The following ACACA variants were observed in gnomAD, a reference collection of about 807,000 sequenced individuals.
ACACA encodes the protein acetyl-CoA carboxylase 1.
A neutral mutation model predicts 296.1 loss-of-function variants in ACACA; 103 were observed. The ratio of observed to expected loss-of-function variants is 0.35; its 90% CI spans 0.30 to 0.41. ACACA has a LOEUF of 0.41. Ranked by LOEUF, ACACA falls within the 10% of genes least tolerant of loss-of-function variation. The pLI, the probability that ACACA is intolerant of heterozygous loss-of-function variation, is 1.00. For missense variants in ACACA, 1,554 were observed against 2,989.7 expected (o/e 0.52, Z 11.20); for synonymous variants, 953 against 1,038.6 (o/e 0.92, Z 1.58).
At chr17:37,223,168 T>C (rs117200438) in intron 28 of ACACA, among the ~76,000 whole-genome samples, 127 of 152,332 alleles carry the variant, frequency 8.3e-4, no homozygotes, top group Non-Finnish European at 1.4e-3. Flanking sequence ...AATGGTAAGA[T>C]GACACATGCT....
chr17:37,117,680 G>A (rs895244277), intron 50 of ACACA, among the ~76,000 whole-genome samples: 1 of 151,816 alleles, frequency 6.6e-6, no homozygotes, highest in Admixed American at 6.6e-5. Flanking sequence ...ATAGCCTTCC[G>A]GCCAGATAGA....
intron 3 of ACACA, among the ~76,000 whole-genome samples, chr17:37,295,313 A>T (rs1164252318): frequency 6.6e-6 from 1 of 152,168 alleles, no homozygotes; most frequent in African/African-American, 2.4e-5. Context: ...CCCTGTATGG[A>T]GCAGGAAAAA....
At chr17:37,238,959 TA>T (rs1567863659) in intron 24 of ACACA, among the ~76,000 whole-genome samples, 2 of 152,240 alleles carry the variant, frequency 1.3e-5, no homozygotes, top group East Asian at 3.9e-4. Flanking sequence ...CTTGAGTAGG[TA>T]GGACTATAGG....
At chr17:37,130,625 T>C (rs1309530824) in intron 45 of ACACA, among the ~76,000 whole-genome samples, 1 of 151,576 alleles carries the variant, frequency 6.6e-6, no homozygotes, top group Non-Finnish European at 1.5e-5. Context: ...AACAATCACA[T>C]TCATGGTTGC....
chr17:37,191,401 C>A (rs2077744531), intron 37 of ACACA, 126 bp from the exon 38 acceptor site: 2 of 1,003,096 alleles, frequency 2.0e-6, no homozygotes, highest in Non-Finnish European at 3.0e-6. Context: ...GATTGTTTAT[C>A]TTTCTCCCTA....
chr17:37,378,987 T>A, intron 1 of ACACA: 1 of 941,496 alleles, frequency 1.1e-6, no homozygotes, highest in East Asian at 2.7e-5. Context: ...GAGGATTGCT[T>A]GGAGATCGAG....
At chr17:37,193,264 A>G in intron 36 of ACACA, 110 bp downstream of exon 36, 1 of 819,434 alleles carries the variant, frequency 1.2e-6, no homozygotes, top group Non-Finnish European at 2.0e-6. Flanking sequence ...GCACAAGTTC[A>G]ATAAGAGAAA....
At chr17:37,110,015 A>G (rs943671175) in intron 52 of ACACA, among the ~76,000 whole-genome samples, 1 of 152,182 alleles carries the variant, frequency 6.6e-6, no homozygotes, top group Non-Finnish European at 1.5e-5. Flanking sequence ...AAGGGCAGTG[A>G]TCCAGAAGAA....
At chr17:37,277,008 C>G in intron 7 of ACACA, 25 bp downstream of exon 7, 1 of 1,596,268 alleles carries the variant, frequency 6.3e-7, no homozygotes, top group Non-Finnish European at 8.6e-7. Flanking sequence ...AACAGAAAGA[C>G]GGACAATATG....
chr17:37,187,263 T>C (rs2077573846), intron 39 of ACACA, among the ~76,000 whole-genome samples: 1 of 152,218 alleles, frequency 6.6e-6, no homozygotes, highest in African/African-American at 2.4e-5. Flanking sequence ...CAAACTGAGA[T>C]TTTTAAAAAT....
intron 8 of ACACA, among the ~76,000 whole-genome samples, chr17:37,275,646 G>T (rs2146471753): frequency 6.6e-6 from 1 of 152,264 alleles, no homozygotes; most frequent in Non-Finnish European, 1.5e-5. Context: ...CTCTGAGGAA[G>T]ATTCTAGCCT....
At position 37,406,307 on chromosome 17, in the gene ACACA, T is replaced by C. The variant is rs2051506766; in HGVS notation, c.-8A>G. On this transcript the variant is annotated 5_prime_UTR_variant, in exon 1 of 56. The change abolishes an upstream ATG in the 5' untranslated region. Transcript: ENST00000616317. ...CAGAGTAGACCACCACATCCTCTCA[T>C]CATTGCGCCTCAATTTGGGCCTCTG... The C allele has an allele frequency of 1.2e-6, 2 of 1,614,064 alleles. No homozygotes were observed. The highest frequency in any genetic ancestry group is 1.3e-5 in the African/African-American group (1 of 74,930).
chr17:37,117,833 A>G (rs1036839508), intron 50 of ACACA, among the ~76,000 whole-genome samples: 17 of 152,052 alleles, frequency 1.1e-4, no homozygotes, highest in African/African-American at 4.1e-4. Flanking sequence ...CAGCATAGCA[A>G]GAGCTGTCTC....
chr17:37,278,126 G>A, intron 5 of ACACA, 121 bp from the exon 6 acceptor site: 2 of 762,484 alleles, frequency 2.6e-6, no homozygotes, highest in South Asian at 2.9e-5. Context: ...AACAGCATTA[G>A]TAGGATAATT....
At chr17:37,090,243 G>A (rs1386531184) in intron 54 of ACACA, among the ~76,000 whole-genome samples, 4 of 152,148 alleles carry the variant, frequency 2.6e-5, no homozygotes, top group Admixed American at 6.5e-5. Context: ...TAACTATCTC[G>A]TGCCTTCAAA....
intron 29 of ACACA, among the ~76,000 whole-genome samples, chr17:37,217,230 C>T (rs889950435): frequency 2.2e-5 from 3 of 137,370 alleles, no homozygotes; most frequent in African/African-American, 8.1e-5. Context: ...CACTGCACTC[C>T]AGCCTGGGCA....
At chr17:37,217,734 CAAAAAAAAAAAAAA>C (rs57846347) in intron 29 of ACACA, among the ~76,000 whole-genome samples, 3 of 29,372 alleles carry the variant, frequency 1.0e-4, no homozygotes, top group Non-Finnish European at 1.6e-4. Flanking sequence ...GACTCCATCT[CAAAAAAAAAAAAAA>C]AAAAAAAAAA....
chr17:37,191,020 A>G, intron 38 of ACACA, 100 bp downstream of exon 38: 1 of 1,403,962 alleles, frequency 7.1e-7, no homozygotes, highest in Non-Finnish European at 1.0e-6. Context: ...CAACAGCCTG[A>G]ACAAGGAGTA....
intron 35 of ACACA, among the ~76,000 whole-genome samples, chr17:37,198,250 TG>T (rs2078093197): frequency 6.6e-6 from 1 of 152,256 alleles, no homozygotes; most frequent in Non-Finnish European, 1.5e-5. Flanking sequence ...CAGTTTTAGT[TG>T]ATCAGTGTAT....
Sources: allele counts gnomAD v4.1 joint callset (sites outside exome capture counted in the v4.1 genomes callset), GRCh38; gene constraint gnomAD v4.1.1; transcripts MANE v1.5; gene names NCBI Gene and HGNC (gene_info 2026-07-23, HGNC 2026-07-21).